Variants in IL21R observed in about 807,000 individuals in gnomAD.
The protein encoded by IL21R is interleukin-21 receptor.
Under a neutral mutation model 41.3 loss-of-function variants are expected in IL21R, and 14 were observed. The ratio of observed to expected loss-of-function variants is 0.34; its 90% CI spans 0.22 to 0.53. The LOEUF (loss-of-function observed/expected upper bound fraction) is 0.53. Ranked by LOEUF, IL21R falls within the 20% of genes least tolerant of loss-of-function variation. The pLI is 0.94. For missense variants in IL21R, 588 were observed against 681.6 expected (o/e 0.86, Z 1.53); for synonymous variants, 286 against 287.6 (o/e 0.99, Z 0.05).
At chr16:27,418,576 T>A (rs867633226) in intron 1 of IL21R, among the ~76,000 whole-genome samples, 4 of 152,106 alleles carry the variant, frequency 2.6e-5, no homozygotes, top group Non-Finnish European at 4.4e-5. Context: ...TTCACCATGT[T>A]AGCCAGGATA....
intron 2 of IL21R, among the ~76,000 whole-genome samples, chr16:27,431,738 C>A (rs1283031537): frequency 6.6e-6 from 1 of 151,952 alleles, no homozygotes; most frequent in African/African-American, 2.4e-5. Flanking sequence ...GCAACCTCTG[C>A]CTCCCAGGTT....
rs1045787020 is a variant in IL21R at position 27,449,925 on chromosome 16, T to C, written c.*642T>C. ...CGACTCTGATACCTTCTGGCTGTGCTACCTGAGCCAAGTCGCCTCCCCTCT... is the reference window on the plus strand; with the variant it reads ...CGACTCTGATACCTTCTGGCTGTGCCACCTGAGCCAAGTCGCCTCCCCTCT... On this transcript the variant is annotated 3_prime_UTR_variant, in exon 9 of 9. Transcript: ENST00000337929. The C allele has an allele frequency of 4.3e-6, 1 of 233,554 alleles. No individual in the cohort carries two copies. The highest frequency in any genetic ancestry group is 6.0e-5 in the East Asian group (1 of 16,586). The allele number at this position is 233,554 out of a possible 1,614,324, so 14.5% of individuals were successfully genotyped here.
chr16:27,419,980 C>T (rs1014052956), intron 1 of IL21R, among the ~76,000 whole-genome samples: 2 of 151,718 alleles, frequency 1.3e-5, no homozygotes, highest in African/African-American at 4.8e-5. Context: ...CCTCTGCCTC[C>T]CCATTCAAGT....
chr16:27,447,509 G>A (rs968194734), intron 8 of IL21R, among the ~76,000 whole-genome samples: 4 of 152,192 alleles, frequency 2.6e-5, no homozygotes, highest in Non-Finnish European at 2.9e-5. Context: ...ATTGCATGAG[G>A]ATTCTGGTGT....
intron 2 of IL21R, among the ~76,000 whole-genome samples, chr16:27,431,000 C>T (rs1234699086): frequency 6.6e-6 from 1 of 152,078 alleles, no homozygotes; most frequent in Non-Finnish European, 1.5e-5. Context: ...CTGGGAAGAC[C>T]AGGAGTCCGA....
chr16:27,407,429 C>A (rs1028726551), intron 1 of IL21R, among the ~76,000 whole-genome samples: 8 of 152,076 alleles, frequency 5.3e-5, no homozygotes, highest in Non-Finnish European at 8.8e-5. Flanking sequence ...GAACTTGAAA[C>A]CTGAGGATGA....
At chr16:27,444,940 G>A (rs2087451915) in intron 6 of IL21R, among the ~76,000 whole-genome samples, 1 of 152,182 alleles carries the variant, frequency 6.6e-6, no homozygotes, top group Non-Finnish European at 1.5e-5. Flanking sequence ...CTCTGAAGTG[G>A]GAATCAGCCC....
chr16:27,405,160 G>A lies in IL21R; in HGVS notation c.-17+2542G>A, dbSNP rs182044931. ...CGATTCTCCTGCCTCAGCCTCCCGA[G>A]TAGCTGGGACTACAGGCACCTGCCA... is the stretch of plus-strand genomic sequence containing the variant. On this transcript the variant is annotated intron_variant, in intron 1 of 8. Coordinates refer to ENST00000337929, the MANE Select transcript of IL21R (RefSeq NM_181078.3). Among the ~76,000 whole-genome samples, 561 of 151,950 alleles carry A rather than the reference G, an allele frequency of 3.7e-3. 4 individuals carry two copies. The highest frequency in any genetic ancestry group is 0.013 in the African/African-American group (522 of 41,398).
chr16:27,448,481 C>A (rs1408252086), intron 8 of IL21R, 53 bp from the exon 9 acceptor site: 3 of 1,508,642 alleles, frequency 2.0e-6, no homozygotes, highest in Non-Finnish European at 2.7e-6. Flanking sequence ...GAAAAATAAA[C>A]CCTCACCTTA....
intron 1 of IL21R, among the ~76,000 whole-genome samples, chr16:27,404,388 G>A (rs1160536): frequency 0.028 from 4,211 of 152,256 alleles, 71 homozygotes; most frequent in Admixed American, 0.043. Flanking sequence ...GAAGAAACTG[G>A]GAGGTGGGGA....
chr16:27,423,734 G>A (rs1019055431), intron 1 of IL21R, among the ~76,000 whole-genome samples: 2 of 152,092 alleles, frequency 1.3e-5, no homozygotes, highest in African/African-American at 2.4e-5. Flanking sequence ...ACAGTATTGC[G>A]ATTTATTTTT....
In IL21R at chr16:27,448,692, G is replaced by A; in HGVS notation, c.1026G>A (p.Glu342=). The A allele has an allele frequency of 6.2e-7, 1 of 1,613,238 alleles. No homozygotes were observed. Among genetic ancestry groups the A allele is most frequent in the Non-Finnish European group, 8.5e-7 (1 of 1,180,018 alleles). ...TACAAGAACCAGCAGAGCTGGTGGA[G>A]TCTGACGGTGTGCCCAAGCCCAGCT... ...TELQEPAELV[E]SDGVPKPSFW... Residue 342 remains glutamate (E), a synonymous_variant, in exon 9 of 9, where the codon GAG becomes GAA. Coordinates refer to ENST00000337929, the MANE Select transcript of IL21R (RefSeq NM_181078.3).
chr16:27,435,303 A>C (rs1269034710), intron 3 of IL21R, among the ~76,000 whole-genome samples: 3 of 152,184 alleles, frequency 2.0e-5, no homozygotes, highest in Non-Finnish European at 4.4e-5. Context: ...CCTGCCAGAC[A>C]CTGTTGCAGG....
At chr16:27,446,825 G>A (rs543195485) in intron 8 of IL21R, among the ~76,000 whole-genome samples, 53 of 152,260 alleles carry the variant, frequency 3.5e-4, no homozygotes, top group East Asian at 1.2e-3. Flanking sequence ...ACCACCACCC[G>A]CCAGCACCCA....
At chr16:27,412,884 G>T (rs1012150790) in intron 1 of IL21R, among the ~76,000 whole-genome samples, 1 of 152,166 alleles carries the variant, frequency 6.6e-6, no homozygotes, top group East Asian at 1.9e-4. Context: ...AATATTTAGG[G>T]TTTCCTACAT....
intron 1 of IL21R, among the ~76,000 whole-genome samples, chr16:27,419,659 C>T (rs1181699339): frequency 6.6e-6 from 1 of 152,110 alleles, no homozygotes; most frequent in Non-Finnish European, 1.5e-5. Context: ...AACTCCTGAC[C>T]TCAAGTGATC....
chr16:27,429,992 T>G, intron 1 of IL21R, 64 bp from the exon 2 acceptor site: 1 of 1,387,944 alleles, frequency 7.2e-7, no homozygotes. Flanking sequence ...AGAGACAGGA[T>G]GAGGGGGAGG....
At position 27,434,031 on chromosome 16, in the gene IL21R, A is replaced by G. The variant is rs572768505; in HGVS notation, c.50-316A>G. Among the ~76,000 whole-genome samples, 4 of 152,276 alleles carry G rather than the reference A, an allele frequency of 2.6e-5. No individual in the cohort carries two copies. The East Asian group carries it at 7.7e-4, about 29-fold the overall frequency. ...GAGTGGGAGCTTGGCCAGGAGGGAC[A>G]CAGACCTGGTGGCCGGGCGCAGGGC... On this transcript the variant is annotated intron_variant, in intron 2 of 8. Transcript: ENST00000337929.
Position 27,450,881 on chromosome 16 carries a change from G to A in IL21R, c.*1598G>A, listed in dbSNP as rs543185947. The A allele has an allele frequency of 2.1e-4, 50 of 233,188 alleles. No individual in the cohort carries two copies. Among genetic ancestry groups the A allele is most frequent in the African/African-American group, 9.5e-4 (43 of 45,460 alleles). The allele number at this position is 233,188 out of a possible 1,614,324, so 14.4% of individuals were successfully genotyped here. On this transcript the variant is annotated 3_prime_UTR_variant, in exon 9 of 9. Coordinates refer to ENST00000337929, the MANE Select transcript of IL21R (RefSeq NM_181078.3). ...TCACCCATGCTTTTGCAACAGGGTC[G>A]GGTTGGAAGTCAGCACAGGTCAGTC...
Sources: allele counts gnomAD v4.1 joint callset (sites outside exome capture counted in the v4.1 genomes callset), GRCh38; gene constraint gnomAD v4.1.1; transcripts MANE v1.5; gene names NCBI Gene and HGNC (gene_info 2026-07-23, HGNC 2026-07-21).